TMOD2: variants seen among roughly 807,000 people sequenced by gnomAD.
TMOD2 encodes tropomodulin 2, also known as tropomodulin-2.
In TMOD2, 22 loss-of-function variants were observed where a neutral mutation model predicts 39.9. The ratio of observed to expected loss-of-function variants is 0.55; its 90% CI spans 0.39 to 0.79. The LOEUF is 0.79. TMOD2 is among the 30% of genes least tolerant of loss of function. The pLI is 0.00. For missense variants in TMOD2, 386 were observed against 413.3 expected, an observed-to-expected ratio of 0.93 and a Z score of 0.57; for synonymous variants, 123 against 146.1, an observed-to-expected ratio of 0.84 and a Z score of 1.14.
At chr15:51,777,703 T>A (rs2055898887) in intron 5 of TMOD2, among the ~76,000 whole-genome samples, 2 of 152,066 alleles carry the variant, frequency 1.3e-5, no homozygotes, top group African/African-American at 4.8e-5. Context: ...AAAAAGAGAA[T>A]TTTAGACCAA....
At chr15:51,806,618 G>GTA in intron 9 of TMOD2, 97 bp downstream of exon 9, 1 of 1,385,174 alleles carries the variant, frequency 7.2e-7, no homozygotes, top group Non-Finnish European at 1.0e-6. Context: ...CATTCCACTG[G>GTA]CCTCTGATGT....
intron 7 of TMOD2, 109 bp from the exon 8 acceptor site, chr15:51,798,088 T>C (rs2056063759): frequency 1.1e-6 from 1 of 943,660 alleles, no homozygotes; most frequent in Admixed American, 3.5e-5. Flanking sequence ...GAAGGTTTTC[T>C]TTAAGTGCTA....
chr15:51,790,961 C>T (rs1595874425), intron 7 of TMOD2, among the ~76,000 whole-genome samples: 2 of 152,300 alleles, frequency 1.3e-5, no homozygotes, highest in East Asian at 1.9e-4. Context: ...AGGATGCCCT[C>T]TCTCACCACT....
chr15:51,766,807 C>T (rs187753757), intron 2 of TMOD2: 233 of 331,562 alleles, frequency 7.0e-4, no homozygotes, highest in Admixed American at 1.0e-3. Flanking sequence ...AAATATTTTC[C>T]GTTGGTTGAG....
intron 7 of TMOD2, among the ~76,000 whole-genome samples, chr15:51,794,455 C>A (rs1212109969): frequency 1.3e-5 from 2 of 152,178 alleles, no homozygotes; most frequent in Non-Finnish European, 2.9e-5. Context: ...TGGCTCATGC[C>A]TGTAATCCCA....
chr15:51,759,190 A>AGAGAAGATGTTAAGGATG (rs2055762439), intron 1 of TMOD2, among the ~76,000 whole-genome samples: 1 of 125,352 alleles, frequency 8.0e-6, no homozygotes, highest in Non-Finnish European at 1.8e-5. Flanking sequence ...GAGACGAGAG[A>AGAGAAGATGTTAAGGATG]GAGAAGATGT....
chr15:51,803,629 T>C (rs2056104360), intron 8 of TMOD2, among the ~76,000 whole-genome samples: 1 of 152,128 alleles, frequency 6.6e-6, no homozygotes, highest in African/African-American at 2.4e-5. Context: ...AATTTGACCA[T>C]ATGAAAATGA....
At chr15:51,760,969 T>G (rs1269004958) in intron 1 of TMOD2, among the ~76,000 whole-genome samples, 1 of 151,960 alleles carries the variant, frequency 6.6e-6, no homozygotes, top group Non-Finnish European at 1.5e-5. Flanking sequence ...CGAAGTGGGC[T>G]CCCCAGGAAA....
At chr15:51,768,481 G>A in intron 3 of TMOD2, 63 bp downstream of exon 3, 1 of 1,484,632 alleles carries the variant, frequency 6.7e-7, no homozygotes, top group African/African-American at 1.4e-5. Flanking sequence ...TTGGAACGGA[G>A]GCACTCTTAA....
At chr15:51,806,333 T>C in intron 8 of TMOD2, 44 bp from the exon 9 acceptor site, 1 of 1,606,406 alleles carries the variant, frequency 6.2e-7, no homozygotes, top group South Asian at 1.1e-5. Context: ...CTGTTTCCTC[T>C]TCCTTCTTGG....
At chr15:51,794,414 T>C (rs1567245143) in intron 7 of TMOD2, among the ~76,000 whole-genome samples, 1 of 152,232 alleles carries the variant, frequency 6.6e-6, no homozygotes, top group Non-Finnish European at 1.5e-5. Context: ...CTTCTGGTTG[T>C]TGTCTTTATG....
intron 7 of TMOD2, among the ~76,000 whole-genome samples, chr15:51,793,286 G>A (rs190092587): frequency 6.6e-6 from 1 of 152,280 alleles, no homozygotes; most frequent in East Asian, 1.9e-4. Flanking sequence ...TGGAACCATC[G>A]TAAGTCAGGG....
At chr15:51,758,513 G>T (rs2055758090) in intron 1 of TMOD2, among the ~76,000 whole-genome samples, 1 of 152,182 alleles carries the variant, frequency 6.6e-6, no homozygotes, top group African/African-American at 2.4e-5. Flanking sequence ...GGGTTCATTT[G>T]AACTCATTTC....
At position 51,808,572 on chromosome 15, in the gene TMOD2, C is replaced by A; in HGVS notation, c.*118C>A. 1 of 650,644 alleles carries A rather than the reference C, an allele frequency of 1.5e-6. No homozygotes were observed. Among genetic ancestry groups the A allele is most frequent in the Non-Finnish European group, 2.6e-6 (1 of 389,848 alleles). The allele number at this position is 650,644 out of a possible 1,614,324, so 40.3% of individuals were successfully genotyped here. On this transcript the variant is annotated 3_prime_UTR_variant, in exon 10 of 10. Transcript: ENST00000249700. The stretch of plus-strand genomic sequence containing the variant: ...TCGTTCATTTCCGTTAACCACATAA[C>A]TAATAATTTAATTGTTATTCTTTTT...
intron 1 of TMOD2, 63 bp from the exon 2 acceptor site, chr15:51,766,309 CT>C: frequency 3.9e-6 from 3 of 766,596 alleles, no homozygotes; most frequent in Non-Finnish European, 6.1e-6. Flanking sequence ...CTTCTGTCTC[CT>C]GTTAATAAGT....
At chr15:51,787,865 A>G (rs2055981690) in intron 7 of TMOD2, among the ~76,000 whole-genome samples, 1 of 152,238 alleles carries the variant, frequency 6.6e-6, no homozygotes, top group African/African-American at 2.4e-5. Context: ...CCAACATCAA[A>G]GACCAAAGGT....
intron 7 of TMOD2, among the ~76,000 whole-genome samples, chr15:51,788,229 C>T (rs540015831): frequency 1.1e-4 from 16 of 152,250 alleles, no homozygotes; most frequent in African/African-American, 3.9e-4. Context: ...AAAGCATACA[C>T]AAGCTTCAAT....
At chr15:51,771,063 G>T (rs1241385111) in intron 3 of TMOD2, among the ~76,000 whole-genome samples, 1 of 152,222 alleles carries the variant, frequency 6.6e-6, no homozygotes, top group Non-Finnish European at 1.5e-5. Context: ...ATTATCTCAT[G>T]ATCAAGATTA....
chr15:51,807,840 T>C (rs1402878821), intron 9 of TMOD2, among the ~76,000 whole-genome samples: 1 of 152,178 alleles, frequency 6.6e-6, no homozygotes, highest in Non-Finnish European at 1.5e-5. Flanking sequence ...AGAAGAGGGT[T>C]GCAGGAACTG....
Sources: gnomAD v4.1 joint callset for allele counts (sites outside exome capture counted in the v4.1 genomes callset) on GRCh38, gnomAD v4.1.1 for gene constraint, MANE v1.5 for transcripts, NCBI Gene and HGNC (gene_info 2026-07-23, HGNC 2026-07-21) for gene names.